ERC2: variants seen among roughly 807,000 people sequenced by gnomAD.
The protein encoded by ERC2 is ERC protein 2.
ERC2 carries 42 observed loss-of-function variants against 114.8 expected under a neutral mutation model. The observed-to-expected ratio is 0.37, with a 90% CI of 0.29 to 0.47. ERC2 has a LOEUF of 0.47. Ranked by LOEUF, ERC2 falls within the 20% of genes least tolerant of loss-of-function variation. The pLI is 0.99. For missense variants in ERC2, 939 were observed against 1,150.7 expected, an observed-to-expected ratio of 0.82 and a Z score of 2.66; for synonymous variants, 454 against 425.5, an observed-to-expected ratio of 1.07 and a Z score of -0.82.
Position 56,133,431 on chromosome 3 carries a change from C to T in ERC2, c.1473+6078G>A, listed in dbSNP as rs182889095. On this transcript the variant is annotated intron_variant, in intron 6 of 17. Transcript: ENST00000288221. ...CAGCCTGAGCGACAGAGCAAGACCC[C>T]GCTGCAAAAAAATAATAAAATAAAA... is the stretch of plus-strand genomic sequence containing the variant. 4.1e-4 allele frequency among the ~76,000 whole-genome samples: 62 copies of T among 151,888 alleles called. 1 individual carries two copies. The highest frequency in any genetic ancestry group is 2.7e-3 in the South Asian group (13 of 4,804).
chr3:56,419,647 T>G (rs2061310682), intron 2 of ERC2, among the ~76,000 whole-genome samples: 1 of 152,190 alleles, frequency 6.6e-6, no homozygotes, highest in Non-Finnish European at 1.5e-5. Context: ...TACCAAAAGC[T>G]CATTCATTTC....
chr3:56,136,552 G>C (rs2080519636), intron 6 of ERC2, among the ~76,000 whole-genome samples: 1 of 151,964 alleles, frequency 6.6e-6, no homozygotes, highest in South Asian at 2.1e-4. Context: ...TTTCATTGTA[G>C]GGCATAATGA....
At chr3:55,905,869 G>T (rs1268415680) in intron 13 of ERC2, among the ~76,000 whole-genome samples, 1 of 152,060 alleles carries the variant, frequency 6.6e-6, no homozygotes, top group African/African-American at 2.4e-5. Flanking sequence ...CCTCCCAAAG[G>T]CCCTTCTGAG....
chr3:55,598,831 G>A (rs1016883971), intron 17 of ERC2, among the ~76,000 whole-genome samples: 2 of 152,230 alleles, frequency 1.3e-5, no homozygotes, highest in Admixed American at 1.3e-4. Flanking sequence ...GGGGCAGATT[G>A]TCTGGGGAAC....
rs995868950 is a variant in ERC2 at position 55,618,123 on chromosome 3, C to A, written c.*39+65671G>T. 3.3e-5 allele frequency among the ~76,000 whole-genome samples: 5 copies of A among 152,024 alleles called. No individual in the cohort carries two copies. In the East Asian group the frequency reaches 9.7e-4, roughly 29 times the overall value. On this transcript the variant is annotated intron_variant, in intron 17 of 17. Transcript: ENST00000288221. ...AAGATATTTTTCATCTCTCCCTGAA[C>A]CAACTTGCAAATTAAGCATGTTGGT... is the stretch of plus-strand genomic sequence containing the variant.
At chr3:56,097,327 C>A (rs1037550567) in intron 6 of ERC2, among the ~76,000 whole-genome samples, 35 of 152,098 alleles carry the variant, frequency 2.3e-4, no homozygotes, top group African/African-American at 8.4e-4. Context: ...TAGAGTCAAC[C>A]TACATATACT....
chr3:55,932,774 G>A (rs1430060732), intron 13 of ERC2, among the ~76,000 whole-genome samples: 1 of 152,094 alleles, frequency 6.6e-6, no homozygotes, highest in African/African-American at 2.4e-5. Context: ...AGCCATCCTG[G>A]AAATTTTTTT....
intron 7 of ERC2, among the ~76,000 whole-genome samples, chr3:56,050,885 T>C (rs2075730623): frequency 6.6e-6 from 1 of 152,200 alleles, no homozygotes; most frequent in South Asian, 2.1e-4. Flanking sequence ...GTGAAATGAA[T>C]TTCAATAAGT....
intron 3 of ERC2, among the ~76,000 whole-genome samples, chr3:56,223,122 T>C (rs918892133): frequency 2.6e-5 from 4 of 152,254 alleles, no homozygotes; most frequent in African/African-American, 9.6e-5. Context: ...CAGCTGACCA[T>C]GTCTGTAGAC....
chr3:56,176,278 G>A (rs1303895414), intron 3 of ERC2, among the ~76,000 whole-genome samples: 1 of 152,082 alleles, frequency 6.6e-6, no homozygotes, highest in South Asian at 2.1e-4. Context: ...TGAGGAGAGA[G>A]GTTAAGCTTG....
chr3:56,039,803 A>C (rs1022005324), intron 7 of ERC2, among the ~76,000 whole-genome samples: 6 of 152,216 alleles, frequency 3.9e-5, no homozygotes, highest in Non-Finnish European at 8.8e-5. Flanking sequence ...AAACATACAG[A>C]TCAATGGAAC....
intron 5 of ERC2, among the ~76,000 whole-genome samples, chr3:56,141,318 A>G (rs2080841926): frequency 6.6e-6 from 1 of 152,126 alleles, no homozygotes; most frequent in Non-Finnish European, 1.5e-5. Flanking sequence ...TCTGCCAACA[A>G]ATGCAGCAAA....
At chr3:55,827,392 TAAAG>T (rs1427027443) in intron 14 of ERC2, among the ~76,000 whole-genome samples, 6 of 126,064 alleles carry the variant, frequency 4.8e-5, no homozygotes, top group African/African-American at 1.8e-4. Flanking sequence ...AAGAAAAAGA[TAAAG>T]AGAGAAAAAG....
chr3:56,005,786 C>T (rs138067226), intron 10 of ERC2, among the ~76,000 whole-genome samples: 480 of 152,142 alleles, frequency 3.2e-3, no homozygotes, highest in African/African-American at 0.011. Context: ...AGCTTAAAGC[C>T]TGCCTTATGA....
At chr3:55,857,082 T>C (rs1324167270) in intron 14 of ERC2, among the ~76,000 whole-genome samples, 1 of 152,102 alleles carries the variant, frequency 6.6e-6, no homozygotes, top group Admixed American at 6.6e-5. Context: ...GTTCTAGAAT[T>C]AGATAGTGGT....
chr3:55,916,040 C>T (rs2065072687), intron 13 of ERC2, among the ~76,000 whole-genome samples: 1 of 152,132 alleles, frequency 6.6e-6, no homozygotes, highest in Non-Finnish European at 1.5e-5. Flanking sequence ...GCTGCTGATG[C>T]AAAGTCCTAG....
chr3:55,992,434 A>G (rs1035018476), intron 10 of ERC2, among the ~76,000 whole-genome samples, 184 bp from the exon 11 acceptor site: 1 of 152,186 alleles, frequency 6.6e-6, no homozygotes, highest in Non-Finnish European at 1.5e-5. Context: ...AAGAATGCTG[A>G]TTTTAAAATA....
At chr3:55,553,011 ATTTTTTTTTTTT>A (rs66602607) in intron 17 of ERC2, among the ~76,000 whole-genome samples, 10 of 55,200 alleles carry the variant, frequency 1.8e-4, no homozygotes, top group African/African-American at 6.0e-4. Context: ...GGGCTTCCAG[ATTTTTTTTTTTT>A]TTTTTTTTTT....
intron 14 of ERC2, among the ~76,000 whole-genome samples, chr3:55,782,166 C>A (rs1273611099): frequency 6.6e-6 from 1 of 152,150 alleles, no homozygotes; most frequent in African/African-American, 2.4e-5. Context: ...TCCACCTGTG[C>A]AGGAGAGACA....
Sources: allele counts gnomAD v4.1 joint callset (sites outside exome capture counted in the v4.1 genomes callset), GRCh38; gene constraint gnomAD v4.1.1; transcripts MANE v1.5; gene names NCBI Gene and HGNC (gene_info 2026-07-23, HGNC 2026-07-21).